The following ACLY variants were observed in gnomAD, a reference collection of about 807,000 sequenced individuals.
ACLY encodes the protein ATP-citrate synthase.
In ACLY, 41 loss-of-function variants were observed where a neutral mutation model predicts 133.0. That is an observed-to-expected ratio of 0.31 (90% confidence interval 0.24 to 0.40). ACLY has a LOEUF of 0.40. Among genes scored for constraint, ACLY ranks in the 10% least tolerant of loss-of-function variants. ACLY has a pLI of 1.00. For synonymous variants in ACLY, 495 were observed against 549.3 expected, an observed-to-expected ratio of 0.90 and a Z score of 1.38; for missense variants, 1,046 against 1,453.8, an observed-to-expected ratio of 0.72 and a Z score of 4.56.
chr17:41,897,990 T>C, intron 12 of ACLY, 151 bp from the exon 13 acceptor site: 2 of 672,712 alleles, frequency 3.0e-6, no homozygotes, highest in Non-Finnish European at 2.5e-6. Flanking sequence ...AATAATCCTC[T>C]AAGATACGAA....
At chr17:41,874,922 CAAAAAA>C (rs76281431) in intron 22 of ACLY, among the ~76,000 whole-genome samples, 4 of 128,190 alleles carry the variant, frequency 3.1e-5, no homozygotes, top group African/African-American at 9.0e-5. Flanking sequence ...TGTGTTATAG[CAAAAAA>C]AAAAAAAAAA....
Position 41,909,521 on chromosome 17 carries a change from T to G in ACLY, c.525A>C (p.Glu175Asp), listed in dbSNP as rs2304497. 0.12 allele frequency: 185,919 copies of G among 1,613,936 alleles called. 11,379 individuals are homozygous for G. Among genetic ancestry groups the G allele is most frequent in the Non-Finnish European group, 0.12 (143,850 of 1,179,880 alleles). Residue 175 changes from glutamate to aspartate, a missense_variant, in exon 5 of 29, where the codon GAA becomes GAC. Glu to Asp is a conservative substitution (Grantham distance 45). This residue lies in a region of ACLY where 227 missense variants were observed against 245.6 expected (regional missense o/e 0.92). Coordinates refer to ENST00000352035, the MANE Select transcript of ACLY (RefSeq NM_001096.3). Reference protein sequence around the residue: ...IKKHLLVHAPEDKKEILASFI... With the variant: ...IKKHLLVHAPDDKKEILASFI... ...CCCTCTCACTCAACTCTTTCTTGTCTTCAGGGGCGTGGACCAACAGGTGTT... is the reference window on the plus strand; with the variant it reads ...CCCTCTCACTCAACTCTTTCTTGTCGTCAGGGGCGTGGACCAACAGGTGTT...
Position 41,868,363 on chromosome 17 carries a change from G to A in ACLY, c.3211+346C>T, listed in dbSNP as rs111260165. ...TGAGGCAGGAGAATCGCTTGAACCC[G>A]GGAGGCAGAGGTTGCAGTGAGCTGA... On this transcript the variant is annotated intron_variant, in intron 28 of 28. Transcript: ENST00000352035. 1.0e-3 allele frequency among the ~76,000 whole-genome samples: 148 copies of A among 148,220 alleles called. 2 individuals are homozygous for A. The highest frequency in any genetic ancestry group is 3.4e-3 in the African/African-American group (137 of 40,268).
At chr17:41,897,910 G>A in intron 12 of ACLY, 71 bp from the exon 13 acceptor site, 1 of 1,382,866 alleles carries the variant, frequency 7.2e-7, no homozygotes, top group Non-Finnish European at 9.9e-7. Context: ...GGTCCTTAAA[G>A]GCCCCAAAGA....
intron 1 of ACLY, among the ~76,000 whole-genome samples, chr17:41,927,326 T>C (rs2050255605): frequency 6.6e-6 from 1 of 152,142 alleles, no homozygotes; most frequent in Admixed American, 6.5e-5. Flanking sequence ...CTGCATTTTC[T>C]AGAATTGTAT....
chr17:41,883,266 T>A (rs1467238306), intron 19 of ACLY, 34 bp from the exon 20 acceptor site: 1 of 1,575,998 alleles, frequency 6.3e-7, no homozygotes, highest in Non-Finnish European at 8.7e-7. Context: ...AAAAGCCAAG[T>A]TAGTGCAGCC....
intron 16 of ACLY, among the ~76,000 whole-genome samples, chr17:41,889,805 C>G (rs2049157622): frequency 6.6e-6 from 1 of 152,018 alleles, no homozygotes; most frequent in Non-Finnish European, 1.5e-5. Flanking sequence ...CTTGCCTCAG[C>G]CTCCCAAGTA....
At chr17:41,879,204 C>G (rs1555626745) in intron 20 of ACLY, among the ~76,000 whole-genome samples, 1 of 152,006 alleles carries the variant, frequency 6.6e-6, no homozygotes, top group Non-Finnish European at 1.5e-5. Flanking sequence ...CTCCTGGGTT[C>G]CAGCGATTCT....
Position 41,871,814 on chromosome 17 carries a change from C to A in ACLY, c.2812G>T (p.Ala938Ser). 1 of 1,614,028 alleles carries A rather than the reference C, an allele frequency of 6.2e-7. No individual in the cohort carries two copies. Among genetic ancestry groups the A allele is most frequent in the Non-Finnish European group, 8.5e-7 (1 of 1,180,028 alleles). Residue 938 changes from alanine to serine, a missense_variant, in exon 25 of 29, where the codon GCC (alanine) becomes TCC (serine). Ala to Ser is a moderately conservative substitution (Grantham distance 99). Transcript: ENST00000352035. ...AACATCTTGGCTGCTGCATCCAAGG[C>A]ACCCCCAAACCGATCCCCCTGGAGG... The part of the protein sequence containing the change: ...LLTIGDRFGG[A>S]LDAAAKMFSK...
In ACLY at chr17:41,887,656, C is replaced by T. The variant is rs781908164; in HGVS notation, c.1818G>A (p.Thr606=). The change falls in exon 17 of 29, where the codon ACG becomes ACA. Residue 606 remains threonine (T), a synonymous_variant. Coordinates refer to ENST00000352035, the MANE Select transcript of ACLY (RefSeq NM_001096.3). ...IIAEGIPEAL[T]RKLIKKADQK... is the part of the protein sequence containing the mutation. Reference sequence around the variant, plus strand: ...GGTCCGCCTTCTTGATCAGCTTTCTCGTGAGGGCCTCAGGGATGCCTTCAG... The same window carrying T: ...GGTCCGCCTTCTTGATCAGCTTTCTTGTGAGGGCCTCAGGGATGCCTTCAG... 9.9e-6 allele frequency: 16 copies of T among 1,613,676 alleles called. No individual in the cohort carries two copies. Among genetic ancestry groups the T allele is most frequent in the African/African-American group, 2.7e-5 (2 of 74,892 alleles).
chr17:41,904,009 C>T (rs1254746399), intron 10 of ACLY, among the ~76,000 whole-genome samples: 3 of 150,914 alleles, frequency 2.0e-5, no homozygotes, highest in Non-Finnish European at 4.4e-5. Context: ...CCCAGGTACT[C>T]AGGAGGCTGA....
At chr17:41,905,388 G>A (rs887658012) in intron 9 of ACLY, 134 bp downstream of exon 9, 1 of 1,228,648 alleles carries the variant, frequency 8.1e-7, no homozygotes, top group Non-Finnish European at 1.2e-6. Context: ...GAGAGCCAAA[G>A]TTCAATGATT....
intron 17 of ACLY, 123 bp from the exon 18 acceptor site, chr17:41,886,431 G>T: frequency 1.0e-6 from 1 of 956,008 alleles, no homozygotes. Context: ...ATGACCAAGA[G>T]AAATCACACT....
intron 1 of ACLY, among the ~76,000 whole-genome samples, chr17:41,924,192 T>C (rs1555635757): frequency 4.6e-5 from 7 of 152,088 alleles, no homozygotes. Context: ...TCACCCAAGC[T>C]AGAGTGCAGT....
chr17:41,929,732 TC>T, intron 1 of ACLY, among the ~76,000 whole-genome samples: 1 of 152,320 alleles, frequency 6.6e-6, no homozygotes, highest in Middle Eastern at 3.4e-3. Context: ...ACAAAAGAGA[TC>T]CCATGTACCC....
At position 41,898,824 on chromosome 17, in the gene ACLY, G is replaced by T. The variant is rs372380316; in HGVS notation, c.1184-39C>A. 3.4e-5 allele frequency: 54 copies of T among 1,589,768 alleles called. No individual in the cohort carries two copies. In the African/African-American group the frequency reaches 7.1e-4, roughly 21 times the overall value. On this transcript the variant is annotated intron_variant, in intron 11 of 28. Transcript: ENST00000352035. ...AAAAAAAAATCCATAATTCAAGTCT[G>T]CAGATAAGGGCCCAAGTCCATGTGA... is the stretch of plus-strand genomic sequence containing the variant.
At chr17:41,913,624 T>C (rs1295005305) in intron 2 of ACLY, 91 bp downstream of exon 2, 5 of 1,406,308 alleles carry the variant, frequency 3.6e-6, no homozygotes, top group African/African-American at 2.8e-5. Flanking sequence ...TCCAACCCCA[T>C]GACCCTATCG....
chr17:41,878,408 C>T (rs1555626549), intron 21 of ACLY, among the ~76,000 whole-genome samples: 1 of 152,098 alleles, frequency 6.6e-6, no homozygotes, highest in Non-Finnish European at 1.5e-5. Context: ...CTCTGGATGG[C>T]AAGGAAGGAC....
chr17:41,883,033 G>T (rs143028744), intron 20 of ACLY, 89 bp downstream of exon 20: 12 of 1,095,386 alleles, frequency 1.1e-5, no homozygotes, highest in Non-Finnish European at 1.5e-5. Context: ...AACTAGCTGC[G>T]AATTAATAAG....
Sources: gnomAD v4.1 joint callset for allele counts (sites outside exome capture counted in the v4.1 genomes callset) on GRCh38, gnomAD v4.1.1 for gene constraint, gnomAD v4.1.1 regional missense constraint, MANE v1.5 for transcripts, NCBI Gene and HGNC (gene_info 2026-07-23, HGNC 2026-07-21) for gene names.